The following SLC38A10 variants were observed in gnomAD, a reference collection of about 807,000 sequenced individuals.
SLC38A10 encodes solute carrier family 38 member 10, also known as Sodium-coupled neutral amino acid transporter 10.
A neutral mutation model predicts 81.0 loss-of-function variants in SLC38A10; 53 were observed. The ratio of observed to expected loss-of-function variants is 0.65; its 90% CI spans 0.53 to 0.82. The LOEUF (loss-of-function observed/expected upper bound fraction) is 0.82. SLC38A10 is among the 40% of genes least tolerant of loss of function. The pLI, the probability that SLC38A10 is intolerant of heterozygous loss-of-function variation, is 0.00. For missense variants in SLC38A10, 1,471 were observed against 1,545.0 expected (o/e 0.95, Z 0.80); for synonymous variants, 665 against 655.3 (o/e 1.01, Z -0.23).
At chr17:81,279,276 T>C (rs116160152) in intron 6 of SLC38A10, among the ~76,000 whole-genome samples, 1 of 152,312 alleles carries the variant, frequency 6.6e-6, no homozygotes, top group African/African-American at 2.4e-5. Context: ...AGGTATGCAT[T>C]TACCAAAAAC....
Position 81,283,946 on chromosome 17 carries a change from G to A in SLC38A10, c.264-444C>T, listed in dbSNP as rs1030149394. On this transcript the variant is annotated intron_variant, in intron 3 of 15. Transcript: ENST00000374759. The surrounding 1 kb of genome is among the most constrained non-coding windows in gnomAD (Gnocchi z 4.7). ...TTTCAAACGCGCCCCAGTTCACAGG[G>A]CGCGGGCAGGTTCTGTGGCGCTCGC... Among the ~76,000 whole-genome samples the A allele has an allele frequency of 6.6e-6, 1 of 151,818 alleles. No individual in the cohort carries two copies. The highest frequency in any genetic ancestry group is 1.5e-5 in the Non-Finnish European group (1 of 67,990).
rs1023619558 is a variant in SLC38A10, at chr17:81,281,396, G to A, written c.502-663C>T. 6.6e-6 allele frequency among the ~76,000 whole-genome samples: 1 copy of A among 152,172 alleles called. No homozygotes were observed. On this transcript the variant is annotated intron_variant, in intron 5 of 15. Transcript: ENST00000374759. The surrounding 1 kb of genome is among the most constrained non-coding windows in gnomAD (Gnocchi z 5.3). Reference sequence around the variant, plus strand: ...AGGGGCCTGGCAGAGAATGGAGGGTGTGCTGGGGGCTCTGGGTGGTATCCG... The same window carrying A: ...AGGGGCCTGGCAGAGAATGGAGGGTATGCTGGGGGCTCTGGGTGGTATCCG...
Position 81,276,644 on chromosome 17 carries a change from T to C in SLC38A10, c.729+387A>G, listed in dbSNP as rs569982001. ...TGACCTCATGATCTGCCCACCTCGG[T>C]CTCCCAAAGTGCTGGGATTACAGGT... On this transcript the variant is annotated intron_variant, in intron 7 of 15. Transcript: ENST00000374759. The surrounding 1 kb of genome is among the most constrained non-coding windows in gnomAD (Gnocchi z 4.7). 1.9e-4 allele frequency among the ~76,000 whole-genome samples: 29 copies of C among 152,154 alleles called. No homozygotes were observed. Among genetic ancestry groups the C allele is most frequent in the African/African-American group, 7.0e-4 (29 of 41,498 alleles).
At chr17:81,248,148 G>A (rs1004761775) in intron 14 of SLC38A10, among the ~76,000 whole-genome samples, 14 of 151,976 alleles carry the variant, frequency 9.2e-5, no homozygotes, top group Non-Finnish European at 1.9e-4. Flanking sequence ...TAGTAGAGAT[G>A]GGGTTTCACC....
chr17:81,258,862 A>G (rs1259993238), intron 11 of SLC38A10, among the ~76,000 whole-genome samples: 3 of 152,176 alleles, frequency 2.0e-5, no homozygotes, highest in Non-Finnish European at 4.4e-5. Flanking sequence ...GAACACTCCC[A>G]GTTTCCTTCT....
At chr17:81,291,263 T>C (rs2063308116) in intron 1 of SLC38A10, among the ~76,000 whole-genome samples, 1 of 151,286 alleles carries the variant, frequency 6.6e-6, no homozygotes, top group Non-Finnish European at 1.5e-5. Flanking sequence ...GGTGGATCAT[T>C]TGAGGTCAGG....
rs1230892227 is a variant in SLC38A10 at position 81,253,689 on chromosome 17, C to T, written c.1289-449G>A. Among the ~76,000 whole-genome samples, 1 of 148,560 alleles carries T rather than the reference C, an allele frequency of 6.7e-6. No homozygotes were observed. The highest frequency in any genetic ancestry group is 1.5e-5 in the Non-Finnish European group (1 of 66,812). ...CCATCATCTCCATCCCTACCACCAA[C>T]ATCACCATCATCACCATCACCATCA... On this transcript the variant is annotated intron_variant, in intron 11 of 15. Coordinates refer to ENST00000374759, the MANE Select transcript of SLC38A10 (RefSeq NM_001037984.3). The surrounding 1 kb of genome is among the most constrained non-coding windows in gnomAD (Gnocchi z 4.1).
chr17:81,268,906 T>C (rs931252805), intron 10 of SLC38A10, among the ~76,000 whole-genome samples: 1 of 152,044 alleles, frequency 6.6e-6, no homozygotes, highest in African/African-American at 2.4e-5. Flanking sequence ...ACCATGAATA[T>C]AATGGACTAG....
At chr17:81,259,835 A>G (rs1049134015) in intron 11 of SLC38A10, among the ~76,000 whole-genome samples, 1 of 152,208 alleles carries the variant, frequency 6.6e-6, no homozygotes. Context: ...AATAACCTGA[A>G]GCAGCAAACC....
intron 1 of SLC38A10, among the ~76,000 whole-genome samples, chr17:81,291,360 G>A (rs1298787661): frequency 6.6e-5 from 10 of 151,800 alleles, no homozygotes; most frequent in African/African-American, 1.2e-4. Context: ...GGTGGTGGGC[G>A]CCTGTAATCC....
In SLC38A10 at chr17:81,252,323, C is replaced by T. The variant is rs755191099; in HGVS notation, c.1817G>A (p.Arg606Gln). 2 of 1,612,554 alleles carry T rather than the reference C, an allele frequency of 1.2e-6. No individual in the cohort carries two copies. Among genetic ancestry groups the T allele is most frequent in the African/African-American group, 1.3e-5 (1 of 74,942 alleles). Residue 606 changes from arginine (R) to glutamine (Q), a missense_variant, in exon 13 of 16, where the codon CGG becomes CAG. Physicochemically the swap from Arg to Gln is conservative, Grantham distance 43. Around this residue, in one of 2 missense-constraint regions of SLC38A10, gnomAD observed 751 missense variants for 717.4 expected, o/e 1.05. Transcript: ENST00000374759. ...CTGCTCAGACAGCACTGCCTGGGGC[C>T]GAGGATGCAGGCCCCTGTCTCCTGG... Reference protein sequence around the residue: ...LGPGDRGLHPRPQAVLSEQQN... With the variant: ...LGPGDRGLHPQPQAVLSEQQN...
chr17:81,259,474 T>C (rs868055467), intron 11 of SLC38A10, among the ~76,000 whole-genome samples: 12 of 152,174 alleles, frequency 7.9e-5, no homozygotes, highest in Non-Finnish European at 1.5e-4. Context: ...CCCTGCCTGG[T>C]GCCACTCAGA....
intron 14 of SLC38A10, among the ~76,000 whole-genome samples, chr17:81,248,704 G>C (rs567728359): frequency 6.6e-6 from 1 of 152,228 alleles, no homozygotes; most frequent in Admixed American, 6.5e-5. Context: ...CTGACGTGCC[G>C]GCCCAGCCTC....
chr17:81,259,024 C>T (rs947507560), intron 11 of SLC38A10, among the ~76,000 whole-genome samples: 1 of 152,198 alleles, frequency 6.6e-6, no homozygotes, highest in Non-Finnish European at 1.5e-5. Context: ...GAGTGTCCCT[C>T]GGGGCAGTTT....
intron 10 of SLC38A10, among the ~76,000 whole-genome samples, chr17:81,267,132 G>GTC (rs1411794084): frequency 1.3e-5 from 2 of 152,092 alleles, no homozygotes; most frequent in African/African-American, 4.8e-5. Flanking sequence ...TAAAACACAG[G>GTC]TCCCAAGTTA....
chr17:81,284,526 T>C (rs973831597), intron 3 of SLC38A10, among the ~76,000 whole-genome samples: 10 of 152,224 alleles, frequency 6.6e-5, no homozygotes, highest in Non-Finnish European at 1.2e-4. Context: ...TGAAATTTTA[T>C]GCCAAAGGAA....
At chr17:81,291,137 G>A (rs1377639362) in intron 1 of SLC38A10, among the ~76,000 whole-genome samples, 1 of 152,102 alleles carries the variant, frequency 6.6e-6, no homozygotes, top group African/African-American at 2.4e-5. Flanking sequence ...GAGGGGGGCG[G>A]GGGCGCTGCA....
chr17:81,250,904 G>GGA lies in SLC38A10; in HGVS notation c.2065+587_2065+588dup. The GGA allele has an allele frequency of 3.5e-6, 4 of 1,145,188 alleles. No homozygotes were observed. In the South Asian group the frequency reaches 1.4e-4, roughly 41 times the overall value. The allele number at this position is 1,145,188 out of a possible 1,614,324, so 70.9% of individuals were successfully genotyped here. On this transcript the variant is annotated intron_variant, in intron 14 of 15. Transcript: ENST00000374759. The stretch of plus-strand genomic sequence containing the variant: ...GGATTCAGAGCAAGTTTTATTCTCA[G>GGA]GAGAGCAAAGGCGTAAGGAGCTTTC...
intron 11 of SLC38A10, among the ~76,000 whole-genome samples, chr17:81,257,165 G>T (rs747891652): frequency 4.6e-5 from 7 of 152,302 alleles, no homozygotes; most frequent in Non-Finnish European, 7.4e-5. Context: ...TGTCACCCAG[G>T]CCGGAGTGCA....
Sources: allele counts gnomAD v4.1 joint callset (sites outside exome capture counted in the v4.1 genomes callset), GRCh38; gene constraint gnomAD v4.1.1; regional missense constraint gnomAD v4.1.1; non-coding constraint Gnocchi (gnomAD v3.1); transcripts MANE v1.5; gene names NCBI Gene and HGNC (gene_info 2026-07-23, HGNC 2026-07-21).